The following RIPOR1 variants were observed in gnomAD, a reference collection of about 807,000 sequenced individuals.
RIPOR1 encodes the protein rho family-interacting cell polarization regulator 1.
RIPOR1 carries 58 observed loss-of-function variants against 116.5 expected under a neutral mutation model. That is an observed-to-expected ratio of 0.50 (90% CI 0.40 to 0.62). RIPOR1 has a LOEUF of 0.62. RIPOR1 is among the 20% of genes least tolerant of loss of function. RIPOR1 has a pLI of 0.00. For synonymous variants in RIPOR1, 605 were observed against 650.0 expected (o/e 0.93, Z 1.05); for missense variants, 1,372 against 1,586.2 (o/e 0.86, Z 2.29).
chr16:67,526,253 G>C (rs143749898), upstream of RIPOR1, among the ~76,000 whole-genome samples: 295 of 152,294 alleles, frequency 1.9e-3, no homozygotes, highest in Non-Finnish European at 3.5e-3. Flanking sequence ...GCAGAAGGGA[G>C]GCTGGGAAAA....
Position 67,531,354 on chromosome 16 carries a change from C to G in RIPOR1, c.-24+2440C>G, listed in dbSNP as rs1388616270. Among the ~76,000 whole-genome samples the G allele has an allele frequency of 6.6e-6, 1 of 151,620 alleles. No homozygotes were observed. Among genetic ancestry groups the G allele is most frequent in the Admixed American group, 6.6e-5 (1 of 15,200 alleles). On this transcript the variant is annotated intron_variant, in intron 1 of 21. Transcript: ENST00000042381. This position sits in a 1 kb window ranked among gnomAD's most constrained non-coding sequence, Gnocchi z 4.2. ...CTTCATCTCCCAGGTGCTACAGGAC[C>G]CCCAGAGCGCTGTGGTGAGCCAAGC...
chr16:67,521,760 C>T (rs1052255403), intron 1 of RIPOR1, among the ~76,000 whole-genome samples: 35 of 152,154 alleles, frequency 2.3e-4, no homozygotes, highest in African/African-American at 8.4e-4. Flanking sequence ...GATTGCCAAG[C>T]CTAGAAATTT....
intron 2 of RIPOR1, 42 bp from the exon 3 acceptor site, chr16:67,538,630 G>T: frequency 1.2e-6 from 2 of 1,608,816 alleles, no homozygotes; most frequent in Admixed American, 1.7e-5. Context: ...AGAGTCTGGG[G>T]GACTCCTGCT....
Position 67,543,251 on chromosome 16 carries a change from A to T in RIPOR1, c.2465A>T (p.Glu822Val). Residue 822 changes from glutamate to valine, a missense_variant, in exon 13 of 22, where the codon GAA (glutamate) becomes GTA (valine). This residue lies in a region of RIPOR1 where 1,005 missense variants were observed against 1,144.7 expected (regional missense o/e 0.88). Transcript: ENST00000042381. The surrounding 1 kb of genome is among the most constrained non-coding windows in gnomAD (Gnocchi z 4.7). ...CTGGAGCAGGAGGTGACCCGCCTAG[A>T]AAGTCTGCTCATGGTGAGGAGGGCT... ...QGLEQEVTRLESLLMQRQGLT... is the reference protein window; with the variant it reads ...QGLEQEVTRLVSLLMQRQGLT... 4 of 1,597,672 alleles carry T rather than the reference A, an allele frequency of 2.5e-6. No individual in the cohort carries two copies. The highest frequency in any genetic ancestry group is 3.4e-6 in the Non-Finnish European group (4 of 1,170,548).
chr16:67,538,968 T>C (rs2050891001), intron 3 of RIPOR1, 22 bp from the exon 4 acceptor site: 8 of 1,613,616 alleles, frequency 5.0e-6, no homozygotes, highest in Non-Finnish European at 5.9e-6. Flanking sequence ...GAGTTCATTC[T>C]TGTGGTCGCC....
intron 1 of RIPOR1, among the ~76,000 whole-genome samples, chr16:67,536,175 C>T (rs756690335): frequency 1.3e-4 from 20 of 152,146 alleles, no homozygotes; most frequent in Non-Finnish European, 2.2e-4. Context: ...AGGCTGGGCG[C>T]GGTGGCTCAT....
rs1369359320 is a variant in RIPOR1, at chr16:67,537,059, C to T, written c.-23-1365C>T. The stretch of plus-strand genomic sequence containing the variant: ...CCTCCTGAGTAGCTGGGATTACAGG[C>T]GCGCGTCACCATGTCCGGCTAATTT... On this transcript the variant is annotated intron_variant, in intron 1 of 21. Transcript: ENST00000042381. This position sits in a 1 kb window ranked among gnomAD's most constrained non-coding sequence, Gnocchi z 4.6. 1.3e-5 allele frequency among the ~76,000 whole-genome samples: 2 copies of T among 152,256 alleles called. No homozygotes were observed. The highest frequency in any genetic ancestry group is 3.9e-4 in the East Asian group (2 of 5,166).
intron 1 of RIPOR1, among the ~76,000 whole-genome samples, chr16:67,523,684 C>CTT (rs374534111): frequency 4.1e-5 from 6 of 144,944 alleles, no homozygotes; most frequent in African/African-American, 1.0e-4. Context: ...TACCCTTAAA[C>CTT]TTTTTTTTTT....
chr16:67,541,542 T>C lies in RIPOR1; in HGVS notation c.914T>C (p.Leu305Pro). Reference sequence around the variant, plus strand: ...GTTGTGGCTGTGGATATCAATGACCTTGGTACCATCAAGCTCAGCCTGGAA... The same window carrying C: ...GTTGTGGCTGTGGATATCAATGACCCTGGTACCATCAAGCTCAGCCTGGAA... ...PQVVAVDIND[L>P]GTIKLSLEVT... Residue 305 changes from leucine to proline, a missense_variant, in exon 11 of 22, where the codon CTT becomes CCT. By Grantham distance (98) the Leu-to-Pro change is moderately conservative (BLOSUM62 -3). Around this residue, in one of 3 missense-constraint regions of RIPOR1, gnomAD observed 202 missense variants for 295.9 expected, o/e 0.68. Coordinates refer to ENST00000042381, the MANE Select transcript of RIPOR1 (RefSeq NM_024519.4). This position sits in a 1 kb window ranked among gnomAD's most constrained non-coding sequence, Gnocchi z 4.6. The C allele has an allele frequency of 6.2e-7, 1 of 1,614,016 alleles. No homozygotes were observed. Among genetic ancestry groups the C allele is most frequent in the Non-Finnish European group, 8.5e-7 (1 of 1,179,964 alleles).
Position 67,541,942 on chromosome 16 carries a change from T to A in RIPOR1, c.1156T>A (p.Ser386Thr), listed in dbSNP as rs1442955158. Residue 386 changes from serine (S) to threonine (T), a missense_variant, in exon 13 of 22, where the codon TCC becomes ACC. Transcript: ENST00000042381. This position sits in a 1 kb window ranked among gnomAD's most constrained non-coding sequence, Gnocchi z 4.6. ...GTCATCTGAATCTTCAGACGACTCA[T>A]CCAGCCCACAGCTCTCAGGCACTGC... ...SLSSESSDDSSSPQLSGTARH... is the reference protein window; with the variant it reads ...SLSSESSDDSTSPQLSGTARH... The A allele has an allele frequency of 1.9e-6, 3 of 1,612,164 alleles. No individual in the cohort carries two copies. The African/African-American group carries it at 4.0e-5, about 21-fold the overall frequency.
Position 67,530,073 on chromosome 16 carries a change from G to A in RIPOR1, c.-24+1159G>A. 1.7e-6 allele frequency: 1 copy of A among 605,802 alleles called. No homozygotes were observed. The highest frequency in any genetic ancestry group is 2.6e-5 in the Admixed American group (1 of 37,900). The allele number at this position is 605,802 out of a possible 1,614,324, so 37.5% of individuals were successfully genotyped here. ...CGGCTTGGGTCCTGTGACTGCGGCGGGAGAGAGGAGCAAGGTGAGCCGCCC... is the reference window on the plus strand; with the variant it reads ...CGGCTTGGGTCCTGTGACTGCGGCGAGAGAGAGGAGCAAGGTGAGCCGCCC... On this transcript the variant is annotated intron_variant, in intron 1 of 21. Coordinates refer to ENST00000042381, the MANE Select transcript of RIPOR1 (RefSeq NM_024519.4). This position sits in a 1 kb window ranked among gnomAD's most constrained non-coding sequence, Gnocchi z 4.5.
At position 67,545,594 on chromosome 16, in the gene RIPOR1, C is replaced by G; in HGVS notation, c.3190+60C>G. 3 of 1,592,720 alleles carry G rather than the reference C, an allele frequency of 1.9e-6. No individual in the cohort carries two copies. Among genetic ancestry groups the G allele is most frequent in the Non-Finnish European group, 2.6e-6 (3 of 1,166,442 alleles). ...TGGGGTCTGAGGACATGAGGACAAG[C>G]CCTCCCCAACCTCGGGGGCTCCTCA... On this transcript the variant is annotated intron_variant, in intron 18 of 21. Transcript: ENST00000042381. The surrounding 1 kb of genome is among the most constrained non-coding windows in gnomAD (Gnocchi z 4.8).
intron 1 of RIPOR1, among the ~76,000 whole-genome samples, chr16:67,535,725 GA>G (rs1435955952): frequency 2.6e-5 from 4 of 152,136 alleles, no homozygotes; most frequent in Non-Finnish European, 2.9e-5. Context: ...TGGAAAGCCT[GA>G]GGGTTGCATC....
At position 67,543,239 on chromosome 16, in the gene RIPOR1, T is replaced by G. The variant is rs774855543; in HGVS notation, c.2453T>G (p.Val818Gly). 1.9e-6 allele frequency: 3 copies of G among 1,586,692 alleles called. No individual in the cohort carries two copies. Among genetic ancestry groups the G allele is most frequent in the East Asian group, 2.3e-5 (1 of 44,366 alleles). ...FPELQGLEQE[V>G]TRLESLLMQR... ...GAGCTGCAGGGCCTGGAGCAGGAGG[T>G]GACCCGCCTAGAAAGTCTGCTCATG... Residue 818 changes from valine to glycine, a missense_variant, in exon 13 of 22, where the codon GTG becomes GGG. Physicochemically the swap from Val to Gly is moderately radical, Grantham distance 109. Coordinates refer to ENST00000042381, the MANE Select transcript of RIPOR1 (RefSeq NM_024519.4). The surrounding 1 kb of genome is among the most constrained non-coding windows in gnomAD (Gnocchi z 4.7).
Position 67,543,684 on chromosome 16 carries a change from G to C in RIPOR1, c.2600+215G>C. On this transcript the variant is annotated intron_variant, in intron 14 of 21. Coordinates refer to ENST00000042381, the MANE Select transcript of RIPOR1 (RefSeq NM_024519.4). This position sits in a 1 kb window ranked among gnomAD's most constrained non-coding sequence, Gnocchi z 4.7. Reference sequence around the variant, plus strand: ...TGCCCATGTCTCCAACCCTACGTGTGTCCCCAGTGCTTCTGACCGCCCTCT... The same window carrying C: ...TGCCCATGTCTCCAACCCTACGTGTCTCCCCAGTGCTTCTGACCGCCCTCT... The C allele has an allele frequency of 3.1e-6, 2 of 642,102 alleles. No individual in the cohort carries two copies. Among genetic ancestry groups the C allele is most frequent in the South Asian group, 3.8e-5 (2 of 53,316 alleles). 39.8% of individuals were successfully genotyped at this position (642,102 alleles called of 1,614,324 possible). A position where few individuals can be genotyped will look rare whatever the true frequency, so the allele number is the denominator to read the frequency against.
rs779579986 is a variant in RIPOR1, at chr16:67,542,669, G to A, written c.1883G>A (p.Ser628Asn). Residue 628 changes from serine to asparagine, a missense_variant, in exon 13 of 22, where the codon AGT (serine) becomes AAT (asparagine). Coordinates refer to ENST00000042381, the MANE Select transcript of RIPOR1 (RefSeq NM_024519.4). This position sits in a 1 kb window ranked among gnomAD's most constrained non-coding sequence, Gnocchi z 4.6. ...TSTSPTHTPT[S>N]PTHKTSMSPP... ...ACAAGCCCCACCCATACCCCCACAA[G>A]TCCCACCCACAAAACCAGTATGTCA... 1.2e-5 allele frequency: 20 copies of A among 1,610,210 alleles called. No individual in the cohort carries two copies. The highest frequency in any genetic ancestry group is 1.7e-5 in the Non-Finnish European group (20 of 1,179,128).
In RIPOR1 at chr16:67,537,580, T is replaced by G. The variant is rs1391698231; in HGVS notation, c.-23-844T>G. The G allele has an allele frequency of 1.4e-6, 2 of 1,420,648 alleles. No individual in the cohort carries two copies. Among genetic ancestry groups the G allele is most frequent in the Admixed American group, 2.6e-5 (1 of 37,790 alleles). 88.0% of individuals were successfully genotyped at this position (1,420,648 alleles called of 1,614,324 possible). A position where few individuals can be genotyped will look rare whatever the true frequency, so the allele number is the denominator to read the frequency against. On this transcript the variant is annotated intron_variant, in intron 1 of 21. Transcript: ENST00000042381. This position sits in a 1 kb window ranked among gnomAD's most constrained non-coding sequence, Gnocchi z 4.6. ...GTCGGGGGCCGTCCCGGACCCACCA[T>G]GAACACCAAGAAGAGAGGTAGGACC...
At chr16:67,522,192 T>A (rs2050500472) in intron 1 of RIPOR1, among the ~76,000 whole-genome samples, 1 of 62,664 alleles carries the variant, frequency 1.6e-5, no homozygotes. Context: ...CACGCCCAGA[T>A]TTTTTTTTTT....
At position 67,530,223 on chromosome 16, in the gene RIPOR1, C is replaced by T. The variant is rs909761234; in HGVS notation, c.-24+1309C>T. Reference sequence around the variant, plus strand: ...CGGCCCCTCTGCGTCGCCGCTCGGACTCAGCCCTGGCCAGGCCCGGCCCGG... The same window carrying T: ...CGGCCCCTCTGCGTCGCCGCTCGGATTCAGCCCTGGCCAGGCCCGGCCCGG... On this transcript the variant is annotated intron_variant, in intron 1 of 21. Transcript: ENST00000042381. The surrounding 1 kb of genome is among the most constrained non-coding windows in gnomAD (Gnocchi z 4.5). The T allele has an allele frequency of 3.0e-5, 8 of 271,000 alleles. No individual in the cohort carries two copies. Among genetic ancestry groups the T allele is most frequent in the African/African-American group, 1.8e-4 (8 of 44,160 alleles). 16.8% of individuals were successfully genotyped at this position (271,000 alleles called of 1,614,324 possible). A position where few individuals can be genotyped will look rare whatever the true frequency, so the allele number is the denominator to read the frequency against.
Sources: allele counts gnomAD v4.1 joint callset (sites outside exome capture counted in the v4.1 genomes callset), GRCh38; gene constraint gnomAD v4.1.1; regional missense constraint gnomAD v4.1.1; non-coding constraint Gnocchi (gnomAD v3.1); transcripts MANE v1.5; gene names NCBI Gene and HGNC (gene_info 2026-07-23, HGNC 2026-07-21).